Variants in MARK1 observed in about 807,000 individuals in gnomAD.
MARK1 encodes the protein serine/threonine-protein kinase MARK1.
Under a neutral mutation model 96.3 loss-of-function variants are expected in MARK1, and 40 were observed. The observed-to-expected ratio is 0.42, with a 90% confidence interval of 0.32 to 0.54. The LOEUF is 0.54. MARK1 is among the 20% of genes least tolerant of loss of function. The pLI is 0.16. For synonymous variants in MARK1, 317 were observed against 341.2 expected, an observed-to-expected ratio of 0.93 and a Z score of 0.78; for missense variants, 719 against 984.6, an observed-to-expected ratio of 0.73 and a Z score of 3.61.
chr1:220,661,381 C>A (rs1021178069), intron 17 of MARK1, among the ~76,000 whole-genome samples: 9 of 152,070 alleles, frequency 5.9e-5, no homozygotes, highest in Admixed American at 2.0e-4. Flanking sequence ...ATCTTTCCCT[C>A]TGAAGTTACG....
intron 9 of MARK1, among the ~76,000 whole-genome samples, chr1:220,619,001 A>G (rs1305077474): frequency 2.6e-5 from 4 of 152,214 alleles, no homozygotes; most frequent in Non-Finnish European, 5.9e-5. Flanking sequence ...ACACAAAAAT[A>G]GAGGTTGACT....
At chr1:220,649,781 T>C (rs1459988060) in intron 13 of MARK1, among the ~76,000 whole-genome samples, 1 of 152,202 alleles carries the variant, frequency 6.6e-6, no homozygotes. Context: ...TTAGGTTGCT[T>C]ATATATTTTA....
At chr1:220,564,849 G>A (rs1033721367) in intron 1 of MARK1, among the ~76,000 whole-genome samples, 1 of 152,114 alleles carries the variant, frequency 6.6e-6, no homozygotes, top group African/African-American at 2.4e-5. Context: ...TATTCCTGAA[G>A]TAATACTGTC....
chr1:220,592,632 A>G (rs1665076574), intron 3 of MARK1, among the ~76,000 whole-genome samples: 1 of 152,166 alleles, frequency 6.6e-6, no homozygotes, highest in Non-Finnish European at 1.5e-5. Context: ...GTATGTTGTA[A>G]ATTGCTAGGG....
intron 11 of MARK1, 116 bp from the exon 12 acceptor site, chr1:220,635,260 T>A: frequency 9.8e-7 from 1 of 1,016,164 alleles, no homozygotes; most frequent in East Asian, 2.6e-5. Flanking sequence ...GTTTTTTCAG[T>A]TTGGATTACT....
chr1:220,555,159 A>G (rs1007076737), intron 1 of MARK1, among the ~76,000 whole-genome samples: 9 of 152,158 alleles, frequency 5.9e-5, no homozygotes, highest in African/African-American at 2.2e-4. Flanking sequence ...TCTGATTTCC[A>G]TAAACTCCTG....
chr1:220,528,565 C>G lies in MARK1; in HGVS notation c.-258C>G, dbSNP rs1660071705. On this transcript the variant is annotated 5_prime_UTR_variant, in exon 1 of 18. Coordinates refer to ENST00000366917, the MANE Select transcript of MARK1 (RefSeq NM_018650.5). ...CGCCGCCCCGCCAGCGCCGGGCAAC[C>G]GCCTCGCCCGAAGCCCTCCCTCGTT... The G allele has an allele frequency of 2.2e-6, 1 of 463,626 alleles. No homozygotes were observed. The highest frequency in any genetic ancestry group is 3.8e-6 in the Non-Finnish European group (1 of 264,284). The allele number at this position is 463,626 out of a possible 1,614,324, so 28.7% of individuals were successfully genotyped here. A position where few individuals can be genotyped will look rare whatever the true frequency, so the allele number is the denominator to read the frequency against.
chr1:220,550,927 G>A (rs1312038843), intron 1 of MARK1, among the ~76,000 whole-genome samples: 1 of 152,190 alleles, frequency 6.6e-6, no homozygotes, highest in African/African-American at 2.4e-5. Flanking sequence ...ACACAATTGT[G>A]GAAGCTGGTT....
At chr1:220,535,726 C>T (rs1660639886) in intron 1 of MARK1, among the ~76,000 whole-genome samples, 1 of 151,960 alleles carries the variant, frequency 6.6e-6, no homozygotes, top group South Asian at 2.1e-4. Context: ...CATTCTTTTG[C>T]ATATATATAT....
chr1:220,536,561 C>CTT (rs758585570), intron 1 of MARK1, among the ~76,000 whole-genome samples: 4 of 145,780 alleles, frequency 2.7e-5, no homozygotes, highest in African/African-American at 7.5e-5. Context: ...TCCTCTCTCT[C>CTT]TTTTTTTTTT....
At chr1:220,651,691 G>A (rs1469057677) in intron 14 of MARK1, among the ~76,000 whole-genome samples, 1 of 152,088 alleles carries the variant, frequency 6.6e-6, no homozygotes, top group Non-Finnish European at 1.5e-5. Context: ...AATTTTATCT[G>A]AAACTATCGT....
At chr1:220,576,671 C>T (rs1413079769) in intron 1 of MARK1, 1 of 152,170 alleles carries the variant, frequency 6.6e-6, no homozygotes, top group Non-Finnish European at 1.5e-5. Flanking sequence ...CATGGACTTA[C>T]TCCTCAGAAG....
chr1:220,608,848 C>T (rs565775172), intron 6 of MARK1, among the ~76,000 whole-genome samples: 217 of 152,248 alleles, frequency 1.4e-3, no homozygotes, highest in Admixed American at 2.2e-3. Context: ...TGTTCAGTTC[C>T]CATGTAGTTG....
chr1:220,650,869 T>C, intron 14 of MARK1, 149 bp downstream of exon 14: 1 of 554,014 alleles, frequency 1.8e-6, no homozygotes, highest in South Asian at 3.0e-5. Flanking sequence ...GTAAGACATC[T>C]TTCCTGTACC....
Position 220,546,841 on chromosome 1 carries a change from G to A in MARK1, c.51+17968G>A, listed in dbSNP as rs961405155. Among the ~76,000 whole-genome samples the A allele has an allele frequency of 3.9e-5, 6 of 152,036 alleles. No individual in the cohort carries two copies. In the East Asian group the frequency reaches 5.8e-4, roughly 15 times the overall value. ...CAAAAAATTAGCTGGGCATGGCGGC[G>A]TGCGCCTGTAGTCCCAGCTACTCGG... On this transcript the variant is annotated intron_variant, in intron 1 of 17. Transcript: ENST00000366917.
chr1:220,585,453 G>A (rs1664530484), intron 3 of MARK1, among the ~76,000 whole-genome samples: 1 of 152,154 alleles, frequency 6.6e-6, no homozygotes, highest in African/African-American at 2.4e-5. Context: ...GATTTGCTGA[G>A]AAAAACAAAC....
intron 1 of MARK1, among the ~76,000 whole-genome samples, chr1:220,532,478 C>A (rs1020084088): frequency 1.3e-5 from 2 of 152,100 alleles, no homozygotes; most frequent in East Asian, 1.9e-4. Flanking sequence ...TGTAACACCC[C>A]CTTTGAATTT....
intron 6 of MARK1, among the ~76,000 whole-genome samples, chr1:220,605,000 A>G (rs1209571964): frequency 6.6e-6 from 1 of 152,134 alleles, no homozygotes; most frequent in African/African-American, 2.4e-5. Flanking sequence ...CTTTAATTCT[A>G]CAATTAAAGA....
intron 17 of MARK1, among the ~76,000 whole-genome samples, chr1:220,659,560 C>A (rs1233232686): frequency 6.6e-6 from 1 of 152,116 alleles, no homozygotes; most frequent in Non-Finnish European, 1.5e-5. Flanking sequence ...ACAATTCCTG[C>A]ACCTAGTAAG....
Sources: gnomAD v4.1 joint callset for allele counts (sites outside exome capture counted in the v4.1 genomes callset) on GRCh38, gnomAD v4.1.1 for gene constraint, MANE v1.5 for transcripts, NCBI Gene and HGNC (gene_info 2026-07-23, HGNC 2026-07-21) for gene names.